Variants in ARMH3 observed in about 807,000 individuals in gnomAD.
The protein encoded by ARMH3 is armadillo like helical domain containing 3, also known as armadillo-like helical domain-containing protein 3.
In ARMH3, 60 loss-of-function variants were observed where a neutral mutation model predicts 99.1. The observed-to-expected ratio is 0.61, with a 90% CI of 0.49 to 0.75. The LOEUF is 0.75. ARMH3 is among the 30% of genes least tolerant of loss of function. The pLI is 0.00. For missense variants in ARMH3, 679 were observed against 843.1 expected, an observed-to-expected ratio of 0.81 and a Z score of 2.41; for synonymous variants, 285 against 292.8, an observed-to-expected ratio of 0.97 and a Z score of 0.27.
In ARMH3 at chr10:101,859,483, C is replaced by T. The variant is rs578241028; in HGVS notation, c.1861-9591G>A. Among the ~76,000 whole-genome samples, 7 of 152,286 alleles carry T rather than the reference C, an allele frequency of 4.6e-5. No homozygotes were observed. The East Asian group carries it at 1.4e-3, about 29-fold the overall frequency. On this transcript the variant is annotated intron_variant, in intron 24 of 25. Transcript: ENST00000370033. Reference sequence around the variant, plus strand: ...GACACTGAAATAAATAAATCCTGTACAAAAGATGAGCAAAAGATGAAACGA... The same window carrying T: ...GACACTGAAATAAATAAATCCTGTATAAAAGATGAGCAAAAGATGAAACGA...
At chr10:101,956,459 GAGA>G in intron 22 of ARMH3, 135 bp downstream of exon 22, 10 of 1,126,984 alleles carry the variant, frequency 8.9e-6, no homozygotes, top group Non-Finnish European at 1.1e-5. Flanking sequence ...CCTATTGCCT[GAGA>G]AGAGGAGACT....
chr10:101,939,781 TTCA>T, intron 23 of ARMH3, 79 bp downstream of exon 23: 1 of 1,231,902 alleles, frequency 8.1e-7, no homozygotes, highest in South Asian at 1.3e-5. Flanking sequence ...AGTAGTAGTG[TTCA>T]ACACACTTTA....
chr10:102,037,253 C>T (rs2067300030), intron 2 of ARMH3, among the ~76,000 whole-genome samples: 2 of 147,758 alleles, frequency 1.4e-5, no homozygotes, highest in Non-Finnish European at 3.0e-5. Flanking sequence ...AAGATCTCAG[C>T]TCACTGCAAC....
intron 23 of ARMH3, among the ~76,000 whole-genome samples, chr10:101,909,463 CTT>C (rs61122631): frequency 7.0e-5 from 5 of 71,712 alleles, no homozygotes; most frequent in Non-Finnish European, 9.6e-5. Context: ...CAAGCTTCCT[CTT>C]TTTTTTTTTT....
At chr10:102,036,478 T>C (rs2067275280) in intron 2 of ARMH3, among the ~76,000 whole-genome samples, 1 of 152,140 alleles carries the variant, frequency 6.6e-6, no homozygotes. Flanking sequence ...ATTGTTGCTG[T>C]GTCTGTGTAG....
intron 23 of ARMH3, among the ~76,000 whole-genome samples, chr10:101,890,177 AG>A (rs1412221721): frequency 1.3e-5 from 2 of 151,782 alleles, no homozygotes; most frequent in Admixed American, 1.3e-4. Context: ...GTTTTACATG[AG>A]TCCATATGAA....
intron 24 of ARMH3, among the ~76,000 whole-genome samples, chr10:101,886,174 C>A (rs924117349): frequency 4.6e-5 from 7 of 151,506 alleles, no homozygotes; most frequent in African/African-American, 1.5e-4. Flanking sequence ...AAATATAGCA[C>A]CTGCATATAT....
chr10:101,987,462 G>T (rs1322224985), intron 19 of ARMH3, among the ~76,000 whole-genome samples: 1 of 152,148 alleles, frequency 6.6e-6, no homozygotes, highest in Non-Finnish European at 1.5e-5. Context: ...ATGATTAAGA[G>T]AACAGCCTCC....
chr10:101,952,031 A>G (rs1017974124), intron 22 of ARMH3, among the ~76,000 whole-genome samples: 8 of 152,150 alleles, frequency 5.3e-5, no homozygotes, highest in African/African-American at 1.9e-4. Flanking sequence ...TTATATAGAT[A>G]CCCTTTTCTG....
intron 23 of ARMH3, among the ~76,000 whole-genome samples, chr10:101,894,099 T>A (rs2067759448): frequency 6.6e-6 from 1 of 152,150 alleles, no homozygotes; most frequent in Admixed American, 6.5e-5. Context: ...CTAGATTCAG[T>A]TAGTAGTCTC....
intron 4 of ARMH3, among the ~76,000 whole-genome samples, chr10:102,030,801 A>T (rs868531846): frequency 3.3e-5 from 5 of 151,950 alleles, no homozygotes; most frequent in Admixed American, 2.6e-4. Flanking sequence ...TTTTTGTTTG[A>T]GACGGAGTCT....
At chr10:101,992,470 A>G (rs1846844961) in intron 17 of ARMH3, among the ~76,000 whole-genome samples, 1 of 151,982 alleles carries the variant, frequency 6.6e-6, no homozygotes, top group Non-Finnish European at 1.5e-5. Flanking sequence ...AAAAATAAAG[A>G]AAGTTTTACA....
chr10:101,914,208 G>A (rs1474161365), intron 23 of ARMH3, among the ~76,000 whole-genome samples: 4 of 152,144 alleles, frequency 2.6e-5, no homozygotes, highest in African/African-American at 7.2e-5. Flanking sequence ...TGATACCCGA[G>A]CTGGGCGTGG....
chr10:101,995,249 A>T (rs936265654), intron 16 of ARMH3, 48 bp downstream of exon 16: 1 of 1,514,336 alleles, frequency 6.6e-7, no homozygotes, highest in Non-Finnish European at 9.1e-7. Flanking sequence ...AGGGAAAGAT[A>T]GCACTTTGTA....
At chr10:101,978,710 G>C (rs1257037865) in intron 19 of ARMH3, among the ~76,000 whole-genome samples, 3 of 152,214 alleles carry the variant, frequency 2.0e-5, no homozygotes, top group Non-Finnish European at 2.9e-5. Context: ...GGGAGGCCAA[G>C]GTGTGTGGAT....
intron 1 of ARMH3, among the ~76,000 whole-genome samples, chr10:102,049,112 T>A (rs902096188): frequency 6.6e-6 from 1 of 152,194 alleles, no homozygotes; most frequent in Admixed American, 6.5e-5. Flanking sequence ...CATGGTTCCT[T>A]AGCACAGCTT....
chr10:101,849,977 G>A, intron 24 of ARMH3, 85 bp from the exon 25 acceptor site: 3 of 1,246,862 alleles, frequency 2.4e-6, no homozygotes, highest in Non-Finnish European at 3.4e-6. Flanking sequence ...ACTGGGTTGG[G>A]TTTGGTCTGT....
intron 24 of ARMH3, among the ~76,000 whole-genome samples, chr10:101,883,380 C>T (rs1372776090): frequency 6.6e-6 from 1 of 151,908 alleles, no homozygotes; most frequent in Non-Finnish European, 1.5e-5. Flanking sequence ...TCACTCCATG[C>T]ACTCCAGCCT....
intron 23 of ARMH3, among the ~76,000 whole-genome samples, chr10:101,938,304 G>C (rs1283847219): frequency 6.6e-6 from 1 of 152,236 alleles, no homozygotes; most frequent in Admixed American, 6.5e-5. Context: ...TGACAGTCAT[G>C]CAAAGAGAAG....
Sources: allele counts gnomAD v4.1 joint callset (sites outside exome capture counted in the v4.1 genomes callset), GRCh38; gene constraint gnomAD v4.1.1; transcripts MANE v1.5; gene names NCBI Gene and HGNC (gene_info 2026-07-23, HGNC 2026-07-21).